Variants in ART3 observed in about 807,000 individuals in gnomAD.
ART3 encodes ADP-ribosyltransferase 3 (inactive).
ART3 carries 49 observed loss-of-function variants against 48.5 expected under a neutral mutation model. The ratio of observed to expected loss-of-function variants is 1.01; its 90% CI spans 0.80 to 1.28. The LOEUF (loss-of-function observed/expected upper bound fraction) is 1.28, where lower values mean the gene tolerates loss of function less well. Ranked by LOEUF, ART3 falls within the 50% of genes most tolerant of loss-of-function variation. ART3 has a pLI of 0.00. For synonymous variants in ART3, 145 were observed against 157.2 expected (o/e 0.92, Z 0.58); for missense variants, 438 against 454.3 (o/e 0.96, Z 0.33).
chr4:76,043,391 G>C (rs1029405460), intron 1 of ART3, among the ~76,000 whole-genome samples: 14 of 151,988 alleles, frequency 9.2e-5, no homozygotes, highest in Admixed American at 6.6e-4. Flanking sequence ...GCCCATGGAG[G>C]GGGTGGGAGG....
chr4:76,090,869 A>C (rs913904365), intron 3 of ART3, among the ~76,000 whole-genome samples: 1 of 152,234 alleles, frequency 6.6e-6, no homozygotes, highest in African/African-American at 2.4e-5. Flanking sequence ...TGTTGCTTAC[A>C]AAAGTTTCAT....
chr4:76,097,535 C>G (rs1443798042), intron 3 of ART3, 109 bp from the exon 4 acceptor site: 26 of 913,930 alleles, frequency 2.8e-5, no homozygotes, highest in Non-Finnish European at 4.3e-5. Context: ...AATTATGAGT[C>G]TGATAAACCA....
At chr4:76,020,082 A>T (rs1377427436) in intron 1 of ART3, among the ~76,000 whole-genome samples, 1 of 148,804 alleles carries the variant, frequency 6.7e-6, no homozygotes, top group African/African-American at 2.5e-5. Context: ...TATGCTTCTT[A>T]CTTCTGTGAA....
chr4:76,079,197 CG>C (rs913523104), intron 2 of ART3, among the ~76,000 whole-genome samples: 56 of 91,838 alleles, frequency 6.1e-4, no homozygotes, highest in Non-Finnish European at 1.0e-3. Context: ...AAAAAAAAGG[CG>C]GGGGGCTAAT....
chr4:76,089,439 T>C (rs974877289), intron 3 of ART3, among the ~76,000 whole-genome samples: 6 of 152,142 alleles, frequency 3.9e-5, no homozygotes, highest in African/African-American at 1.2e-4. Flanking sequence ...AACATCTGGT[T>C]GTTTAAAAAT....
chr4:76,081,737 A>C (rs10007524), intron 2 of ART3, 87 bp from the exon 3 acceptor site: 1 of 1,400,832 alleles, frequency 7.1e-7, no homozygotes, highest in Non-Finnish European at 9.8e-7. Flanking sequence ...TTGGCAAGGG[A>C]TGAGAAGGTG....
At chr4:76,096,016 A>G (rs1725933166) in intron 3 of ART3, among the ~76,000 whole-genome samples, 1 of 151,694 alleles carries the variant, frequency 6.6e-6, no homozygotes, top group African/African-American at 2.4e-5. Flanking sequence ...TCTGCCTCCC[A>G]TGTTCAAGTG....
intron 6 of ART3, 79 bp downstream of exon 6, chr4:76,100,399 G>A (rs563026656): frequency 5.8e-6 from 8 of 1,376,856 alleles, no homozygotes; most frequent in African/African-American, 1.4e-5. Context: ...TTGGGAGGCC[G>A]AGGCGGGAGG....
chr4:76,109,670 C>G (rs1294885100), intron 11 of ART3, among the ~76,000 whole-genome samples: 1 of 152,174 alleles, frequency 6.6e-6, no homozygotes, highest in Non-Finnish European at 1.5e-5. Flanking sequence ...GTTACAACGG[C>G]AACGATGTTG....
chr4:76,028,239 G>T (rs904167781), intron 1 of ART3, among the ~76,000 whole-genome samples: 2 of 152,088 alleles, frequency 1.3e-5, no homozygotes, highest in African/African-American at 4.8e-5. Flanking sequence ...CCAAAGCCAA[G>T]ACTGCATGTG....
intron 3 of ART3, among the ~76,000 whole-genome samples, chr4:76,089,116 A>G (rs1407460001): frequency 6.6e-6 from 1 of 152,224 alleles, no homozygotes; most frequent in Admixed American, 6.5e-5. Flanking sequence ...CTTAACAATA[A>G]TTACTTGCTA....
At chr4:76,033,898 A>G (rs995171879) in intron 1 of ART3, 1 of 152,286 alleles carries the variant, frequency 6.6e-6, no homozygotes, top group African/African-American at 2.4e-5. Context: ...TTGGTAGACA[A>G]AAACATTTTG....
At chr4:76,051,492 G>A (rs549879463) in intron 1 of ART3, among the ~76,000 whole-genome samples, 1 of 152,278 alleles carries the variant, frequency 6.6e-6, no homozygotes, top group Non-Finnish European at 1.5e-5. Context: ...TTAAGACGTT[G>A]AGGAATAATG....
intron 3 of ART3, among the ~76,000 whole-genome samples, chr4:76,087,584 C>A (rs1016861462): frequency 6.6e-6 from 1 of 152,082 alleles, no homozygotes; most frequent in Non-Finnish European, 1.5e-5. Flanking sequence ...ATTTTTACTG[C>A]GTTACGTTTA....
intron 1 of ART3, among the ~76,000 whole-genome samples, chr4:76,038,193 C>T (rs1734617367): frequency 6.6e-6 from 1 of 151,756 alleles, no homozygotes; most frequent in Non-Finnish European, 1.5e-5. Flanking sequence ...GAGTATAGTA[C>T]AATAAGATAT....
At chr4:76,081,639 G>T (rs41411447) in intron 2 of ART3, among the ~76,000 whole-genome samples, 185 bp from the exon 3 acceptor site, 16,845 of 152,048 alleles carry the variant, frequency 0.11, 1,265 homozygotes, top group East Asian at 0.34. Flanking sequence ...CACAAATATG[G>T]CACAGCTGAG....
At chr4:76,086,626 G>T (rs1723640728) in intron 3 of ART3, among the ~76,000 whole-genome samples, 1 of 152,186 alleles carries the variant, frequency 6.6e-6, no homozygotes, top group African/African-American at 2.4e-5. Context: ...AAAAATATGT[G>T]AGATGATAGC....
intron 1 of ART3, among the ~76,000 whole-genome samples, chr4:76,050,852 CTG>C (rs1736001672): frequency 2.0e-5 from 3 of 152,336 alleles, no homozygotes; most frequent in East Asian, 1.9e-4. Context: ...TGCCAGTGGG[CTG>C]GCACTGCTGG....
chr4:76,090,788 T>C (rs1294627920), intron 3 of ART3, among the ~76,000 whole-genome samples: 1 of 152,152 alleles, frequency 6.6e-6, no homozygotes, highest in East Asian at 1.9e-4. Flanking sequence ...AAAGTAAAAT[T>C]TAGTAAGTTT....
Sources: gnomAD v4.1 joint callset for allele counts (sites outside exome capture counted in the v4.1 genomes callset) on GRCh38, gnomAD v4.1.1 for gene constraint, MANE v1.5 for transcripts, NCBI Gene and HGNC (gene_info 2026-07-23, HGNC 2026-07-21) for gene names.